Variants in ERC2 observed in about 807,000 individuals in gnomAD.
The protein encoded by ERC2 is ELKS/RAB6-interacting/CAST family member 2.
Under a neutral mutation model 114.8 loss-of-function variants are expected in ERC2, and 42 were observed. The ratio of observed to expected loss-of-function variants is 0.37; its 90% CI spans 0.29 to 0.47. The LOEUF is 0.47. ERC2 is among the 20% of genes least tolerant of loss of function. The probability of loss-of-function intolerance (pLI) is 0.99; values close to 1 mark genes in which losing one functional copy is unlikely to be tolerated. For missense variants in ERC2, 939 were observed against 1,150.7 expected (o/e 0.82, Z 2.66); for synonymous variants, 454 against 425.5 (o/e 1.07, Z -0.82).
intron 17 of ERC2, among the ~76,000 whole-genome samples, chr3:55,667,430 T>C (rs561569091): frequency 6.6e-6 from 1 of 152,372 alleles, no homozygotes; most frequent in East Asian, 1.9e-4. Context: ...AGTGATCGCC[T>C]AAATTATTTA....
intron 2 of ERC2, among the ~76,000 whole-genome samples, chr3:56,433,225 A>C (rs1267778032): frequency 6.6e-6 from 1 of 150,834 alleles, no homozygotes; most frequent in African/African-American, 2.4e-5. Flanking sequence ...CAAGAGATGA[A>C]GCTGGAATTT....
At chr3:55,604,157 T>C (rs1484913848) in intron 17 of ERC2, among the ~76,000 whole-genome samples, 1 of 152,166 alleles carries the variant, frequency 6.6e-6, no homozygotes. Flanking sequence ...GCATTTGGAT[T>C]TGCAGAATCT....
At chr3:55,534,202 T>G (rs1173062239) in intron 17 of ERC2, among the ~76,000 whole-genome samples, 2 of 152,186 alleles carry the variant, frequency 1.3e-5, no homozygotes, top group African/African-American at 4.8e-5. Flanking sequence ...GAGGATTGCT[T>G]GAGTCCAGCA....
chr3:55,609,375 C>A (rs1258905657), intron 17 of ERC2, among the ~76,000 whole-genome samples: 2 of 152,174 alleles, frequency 1.3e-5, no homozygotes. Flanking sequence ...AGCACATGAT[C>A]CCATCAAAGC....
intron 17 of ERC2, among the ~76,000 whole-genome samples, chr3:55,679,797 C>A (rs1034809456): frequency 5.9e-5 from 9 of 152,188 alleles, no homozygotes; most frequent in Non-Finnish European, 1.0e-4. Context: ...GTATAGAAAC[C>A]TCTGCTTTGT....
intron 14 of ERC2, among the ~76,000 whole-genome samples, chr3:55,880,781 G>A (rs1197130422): frequency 1.4e-5 from 2 of 147,118 alleles, no homozygotes; most frequent in East Asian, 2.0e-4. Context: ...AGAAAGAATA[G>A]TATTATAGCA....
At chr3:55,987,763 CTAAAA>C (rs1473903680) in intron 11 of ERC2, among the ~76,000 whole-genome samples, 1 of 152,122 alleles carries the variant, frequency 6.6e-6, no homozygotes, top group Non-Finnish European at 1.5e-5. Context: ...TTTTAGGCAT[CTAAAA>C]TGATTTCTCA....
rs371672674 is a variant in ERC2, at chr3:55,640,616, G to A, written c.*39+43178C>T. Among the ~76,000 whole-genome samples the A allele has an allele frequency of 3.9e-5, 6 of 152,294 alleles. No individual in the cohort carries two copies. The East Asian group carries it at 5.8e-4, about 15-fold the overall frequency. ...ATGATAAGGTTGTGGGAACACGGAG[G>A]CTGTGGTAAGGGCATGAGGAAGGTA... On this transcript the variant is annotated intron_variant, in intron 17 of 17. Coordinates refer to ENST00000288221, the MANE Select transcript of ERC2 (RefSeq NM_015576.3).
At chr3:55,977,389 C>T (rs79666105) in intron 12 of ERC2, among the ~76,000 whole-genome samples, 1,063 of 100,378 alleles carry the variant, frequency 0.011, 14 homozygotes, top group African/African-American at 0.04. Context: ...CAAAGACAAA[C>T]GTATCATTTT....
chr3:55,592,910 G>C (rs1490399471), intron 17 of ERC2, among the ~76,000 whole-genome samples: 1 of 152,152 alleles, frequency 6.6e-6, no homozygotes, highest in Non-Finnish European at 1.5e-5. Flanking sequence ...AATGCACATA[G>C]GTATAACAGT....
intron 17 of ERC2, among the ~76,000 whole-genome samples, chr3:55,671,274 T>C (rs1401228166): frequency 1.3e-5 from 2 of 152,234 alleles, no homozygotes; most frequent in African/African-American, 4.8e-5. Flanking sequence ...TTAGTAGAGG[T>C]ATATTACAAA....
chr3:55,858,227 T>A (rs1178168344), intron 14 of ERC2, among the ~76,000 whole-genome samples: 1 of 152,222 alleles, frequency 6.6e-6, no homozygotes, highest in Non-Finnish European at 1.5e-5. Context: ...ATGAGTTGGT[T>A]CCTATTAAAC....
At chr3:55,952,095 G>T (rs966529898) in intron 12 of ERC2, among the ~76,000 whole-genome samples, 1 of 148,482 alleles carries the variant, frequency 6.7e-6, no homozygotes, top group Non-Finnish European at 1.5e-5. Context: ...GAGCCCAGGA[G>T]TTAGACCACC....
chr3:56,313,631 G>A (rs191594643), intron 2 of ERC2, among the ~76,000 whole-genome samples: 39 of 152,296 alleles, frequency 2.6e-4, no homozygotes, highest in African/African-American at 8.4e-4. Context: ...GAAGCAGTAC[G>A]CAGCATGAAT....
intron 13 of ERC2, among the ~76,000 whole-genome samples, chr3:55,937,814 T>C (rs1216083831): frequency 6.6e-6 from 1 of 152,214 alleles, no homozygotes; most frequent in Admixed American, 6.5e-5. Flanking sequence ...TAGATGAGTT[T>C]GTATTCAGGG....
At chr3:56,451,163 C>A (rs2062814032) in intron 1 of ERC2, among the ~76,000 whole-genome samples, 1 of 151,996 alleles carries the variant, frequency 6.6e-6, no homozygotes, top group African/African-American at 2.4e-5. Flanking sequence ...ACTAAAAAAT[C>A]TTCTATCTGT....
chr3:56,020,396 C>T (rs1269616867), intron 7 of ERC2, among the ~76,000 whole-genome samples: 4 of 151,604 alleles, frequency 2.6e-5, no homozygotes, highest in Non-Finnish European at 5.9e-5. Context: ...AATAATTATT[C>T]TTTTCCTTCA....
intron 17 of ERC2, among the ~76,000 whole-genome samples, chr3:55,573,132 G>A (rs2056806105): frequency 6.6e-6 from 1 of 152,170 alleles, no homozygotes. Flanking sequence ...AATATTTCTG[G>A]TATGTTATGG....
intron 17 of ERC2, among the ~76,000 whole-genome samples, chr3:55,590,156 T>C (rs1575682101): frequency 6.6e-6 from 1 of 151,974 alleles, no homozygotes; most frequent in Admixed American, 6.6e-5. Flanking sequence ...AATGAACAAA[T>C]GAAAATAAGC....
Sources: gnomAD v4.1 joint callset for allele counts (sites outside exome capture counted in the v4.1 genomes callset) on GRCh38, gnomAD v4.1.1 for gene constraint, MANE v1.5 for transcripts, NCBI Gene and HGNC (gene_info 2026-07-23, HGNC 2026-07-21) for gene names.